Variants in EML5 observed in about 807,000 individuals in gnomAD.
The protein encoded by EML5 is echinoderm microtubule-associated protein-like 5.
In EML5, 120 loss-of-function variants were observed where a neutral mutation model predicts 250.0. That is an observed-to-expected ratio of 0.48 (90% CI 0.41 to 0.56). EML5 has a LOEUF of 0.56. EML5 is among the 20% of genes least tolerant of loss of function. The probability of loss-of-function intolerance (pLI) is 0.00; values close to 1 mark genes in which losing one functional copy is unlikely to be tolerated. For synonymous variants in EML5, 771 were observed against 806.5 expected (o/e 0.96, Z 0.75); for missense variants, 2,006 against 2,437.6 (o/e 0.82, Z 3.73).
chr14:88,683,823 C>A (rs536170286), intron 20 of EML5, among the ~76,000 whole-genome samples: 1 of 152,264 alleles, frequency 6.6e-6, no homozygotes, highest in South Asian at 2.1e-4. Context: ...TAGTAAGGAG[C>A]ATCTACGAAA....
intron 7 of EML5, among the ~76,000 whole-genome samples, chr14:88,727,201 C>T (rs140860806): frequency 6.6e-6 from 1 of 152,170 alleles, no homozygotes; most frequent in East Asian, 1.9e-4. Context: ...TATCTTTTTC[C>T]TCTTATGTCA....
intron 21 of EML5, among the ~76,000 whole-genome samples, chr14:88,665,918 A>T (rs1469452055): frequency 2.0e-5 from 3 of 152,120 alleles, no homozygotes; most frequent in Non-Finnish European, 2.9e-5. Flanking sequence ...AAAAAAAAAA[A>T]AAATATTTGC....
chr14:88,647,687 C>CAAAAAAAAAAAAAA (rs34191990), intron 28 of EML5, among the ~76,000 whole-genome samples: 1 of 48,744 alleles, frequency 2.1e-5, no homozygotes, highest in African/African-American at 7.4e-5. Flanking sequence ...GAGACCGTCT[C>CAAAAAAAAAAAAAA]AAAAAAAAAA....
Position 88,620,575 on chromosome 14 carries a change from A to T in EML5, c.5375+179T>A. 2.0e-6 allele frequency: 1 copy of T among 499,530 alleles called. No homozygotes were observed. The highest frequency in any genetic ancestry group is 3.3e-6 in the Non-Finnish European group (1 of 300,680). 30.9% of individuals were successfully genotyped at this position (499,530 alleles called of 1,614,324 possible). A position where few individuals can be genotyped will look rare whatever the true frequency, so the allele number is the denominator to read the frequency against. ...ATTATAGTTGGTGCCCAGTGGGTTTATAATTTAGCAAGAAGAATTAAGTAG... is the reference window on the plus strand; with the variant it reads ...ATTATAGTTGGTGCCCAGTGGGTTTTTAATTTAGCAAGAAGAATTAAGTAG... On this transcript the variant is annotated intron_variant, in intron 39 of 43. Coordinates refer to ENST00000554922, the MANE Select transcript of EML5 (RefSeq NM_183387.3). The surrounding 1 kb of genome is among the most constrained non-coding windows in gnomAD (Gnocchi z 4.3).
chr14:88,720,198 C>A (rs2093568668), intron 8 of EML5, among the ~76,000 whole-genome samples: 1 of 152,096 alleles, frequency 6.6e-6, no homozygotes, highest in South Asian at 2.1e-4. Flanking sequence ...TAGCTGAATT[C>A]TACCAGAAAT....
At chr14:88,766,239 A>G (rs963025949) in intron 1 of EML5, among the ~76,000 whole-genome samples, 7 of 152,246 alleles carry the variant, frequency 4.6e-5, no homozygotes, top group Non-Finnish European at 1.0e-4. Context: ...AGCGATGTTC[A>G]GGGAACAAGG....
At chr14:88,659,031 C>T (rs1422173290) in intron 25 of EML5, among the ~76,000 whole-genome samples, 2 of 152,036 alleles carry the variant, frequency 1.3e-5, no homozygotes, top group East Asian at 1.9e-4. Context: ...GTAAGCAATA[C>T]ACATAGAAAT....
At chr14:88,702,736 T>A in intron 13 of EML5, 104 bp from the exon 14 acceptor site, 8 of 839,456 alleles carry the variant, frequency 9.5e-6, no homozygotes, top group Non-Finnish European at 1.4e-5. Context: ...ATCATTCAAT[T>A]TCCAGTTTTA....
At chr14:88,680,065 T>C (rs750921935) in intron 21 of EML5, among the ~76,000 whole-genome samples, 11 of 152,210 alleles carry the variant, frequency 7.2e-5, no homozygotes, top group Non-Finnish European at 1.5e-4. Context: ...TTATGAAGTA[T>C]TTACTTTTAA....
At chr14:88,784,313 G>A (rs2094528257) in intron 1 of EML5, among the ~76,000 whole-genome samples, 1 of 150,300 alleles carries the variant, frequency 6.7e-6, no homozygotes, top group African/African-American at 2.4e-5. Context: ...AAATGACATT[G>A]ACATTTTAAA....
intron 17 of EML5, among the ~76,000 whole-genome samples, chr14:88,691,806 C>T (rs929895714): frequency 6.6e-6 from 1 of 152,104 alleles, no homozygotes; most frequent in Non-Finnish European, 1.5e-5. Context: ...GGATCAGAAC[C>T]CCAAAAGTAA....
chr14:88,631,684 T>G (rs1595285082), intron 33 of EML5, among the ~76,000 whole-genome samples: 1 of 152,056 alleles, frequency 6.6e-6, no homozygotes, highest in Admixed American at 6.5e-5. Context: ...GCAGGAGAAT[T>G]GCTTGAACCC....
intron 19 of EML5, among the ~76,000 whole-genome samples, chr14:88,686,722 G>T (rs1010153500): frequency 3.3e-5 from 5 of 152,090 alleles, no homozygotes; most frequent in Non-Finnish European, 7.4e-5. Flanking sequence ...GAGGCAGGAG[G>T]ACCACTTGAG....
intron 8 of EML5, among the ~76,000 whole-genome samples, chr14:88,721,583 GA>G (rs2093590236): frequency 6.6e-6 from 1 of 152,054 alleles, no homozygotes; most frequent in Non-Finnish European, 1.5e-5. Flanking sequence ...ACTGAAACTG[GA>G]CCCCTTCCTT....
At position 88,625,141 on chromosome 14, in the gene EML5, G is replaced by A. The variant is rs768813392; in HGVS notation, c.4741-14C>T. 5.6e-6 allele frequency: 9 copies of A among 1,612,624 alleles called. No individual in the cohort carries two copies. The highest frequency in any genetic ancestry group is 7.6e-6 in the Non-Finnish European group (9 of 1,179,344). Reference sequence around the variant, plus strand: ...CGTCAAGTTATTCTGAAAAGGAGTGGGGGAGGGGGAGACAAACTCATCAAA... The same window carrying A: ...CGTCAAGTTATTCTGAAAAGGAGTGAGGGAGGGGGAGACAAACTCATCAAA... On this transcript the variant is annotated splice_polypyrimidine_tract_variant and intron_variant, in intron 35 of 43. Transcript: ENST00000554922.
chr14:88,756,820 C>T (rs919839593), intron 1 of EML5, among the ~76,000 whole-genome samples: 5 of 152,012 alleles, frequency 3.3e-5, no homozygotes, highest in Non-Finnish European at 7.4e-5. Flanking sequence ...CACTGAAGGA[C>T]ATTTTAAAAG....
chr14:88,668,141 G>A (rs1382616459), intron 21 of EML5, among the ~76,000 whole-genome samples: 1 of 152,292 alleles, frequency 6.6e-6, no homozygotes, highest in East Asian at 1.9e-4. Flanking sequence ...TACCTCTAAG[G>A]CTTTTTCAGT....
Position 88,792,095 on chromosome 14 carries a change from T to G in EML5, c.197+212A>C, listed in dbSNP as rs1024225382. On this transcript the variant is annotated intron_variant, in intron 1 of 43. Coordinates refer to ENST00000554922, the MANE Select transcript of EML5 (RefSeq NM_183387.3). The surrounding 1 kb of genome is among the most constrained non-coding windows in gnomAD (Gnocchi z 6.9). Reference sequence around the variant, plus strand: ...GGTGGATCCGCGGACCTGATCTTCCTGCACGGACCCGAGAGAGAGTCCCTA... The same window carrying G: ...GGTGGATCCGCGGACCTGATCTTCCGGCACGGACCCGAGAGAGAGTCCCTA... Among the ~76,000 whole-genome samples, 2 of 152,212 alleles carry G rather than the reference T, an allele frequency of 1.3e-5. No individual in the cohort carries two copies. The highest frequency in any genetic ancestry group is 4.8e-5 in the African/African-American group (2 of 41,454).
chr14:88,771,713 G>A (rs1159991418), intron 1 of EML5, among the ~76,000 whole-genome samples: 2 of 152,094 alleles, frequency 1.3e-5, no homozygotes, highest in Non-Finnish European at 2.9e-5. Context: ...CAAACCTAAT[G>A]ATAAACTGTA....
Sources: allele counts gnomAD v4.1 joint callset (sites outside exome capture counted in the v4.1 genomes callset), GRCh38; gene constraint gnomAD v4.1.1; non-coding constraint Gnocchi (gnomAD v3.1); transcripts MANE v1.5; gene names NCBI Gene and HGNC (gene_info 2026-07-23, HGNC 2026-07-21).